ANO2: variants seen among roughly 807,000 people sequenced by gnomAD.
The protein encoded by ANO2 is anoctamin-2.
Under a neutral mutation model 124.2 loss-of-function variants are expected in ANO2, and 101 were observed. The ratio of observed to expected loss-of-function variants is 0.81; its 90% CI spans 0.69 to 0.96. The LOEUF is 0.96. Ranked by LOEUF, ANO2 falls within the 40% of genes least tolerant of loss-of-function variation. ANO2 has a pLI of 0.00. For synonymous variants in ANO2, 486 were observed against 482.5 expected, an observed-to-expected ratio of 1.01 and a Z score of -0.09; for missense variants, 1,293 against 1,274.5, an observed-to-expected ratio of 1.01 and a Z score of -0.22.
chr12:5,936,932 C>T (rs1411220375), intron 1 of ANO2, among the ~76,000 whole-genome samples: 1 of 152,182 alleles, frequency 6.6e-6, no homozygotes, highest in African/African-American at 2.4e-5. Flanking sequence ...GATGCAACAT[C>T]ATCAAAGCTC....
chr12:5,917,217 A>T (rs1015263470), intron 3 of ANO2, among the ~76,000 whole-genome samples: 1 of 152,170 alleles, frequency 6.6e-6, no homozygotes, highest in African/African-American at 2.4e-5. Flanking sequence ...ACCAGAATGA[A>T]GCATGGTGGG....
At chr12:5,712,476 G>A (rs1949854260) in intron 14 of ANO2, among the ~76,000 whole-genome samples, 1 of 152,236 alleles carries the variant, frequency 6.6e-6, no homozygotes, top group South Asian at 2.1e-4. Context: ...CACAATTTAA[G>A]AAATGCCTGG....
At chr12:5,804,806 T>C (rs1273176727) in intron 9 of ANO2, among the ~76,000 whole-genome samples, 1 of 152,160 alleles carries the variant, frequency 6.6e-6, no homozygotes, top group Non-Finnish European at 1.5e-5. Context: ...GGCTGACTGA[T>C]CTCTCCTATG....
At chr12:5,688,338 G>T (rs1565569531) in intron 14 of ANO2, among the ~76,000 whole-genome samples, 1 of 152,110 alleles carries the variant, frequency 6.6e-6, no homozygotes, top group Non-Finnish European at 1.5e-5. Context: ...TGCTACAAGA[G>T]GCCGAAGCAA....
intron 7 of ANO2, among the ~76,000 whole-genome samples, chr12:5,823,379 G>T (rs1953864913): frequency 6.6e-6 from 1 of 152,216 alleles, no homozygotes; most frequent in South Asian, 2.1e-4. Flanking sequence ...GGGGGTACAG[G>T]TATTTGGTAA....
chr12:5,838,492 T>C (rs1333888366), intron 4 of ANO2, among the ~76,000 whole-genome samples: 2 of 152,066 alleles, frequency 1.3e-5, no homozygotes, highest in African/African-American at 4.8e-5. Context: ...AAAACACACA[T>C]AGGTCTCCCC....
intron 10 of ANO2, among the ~76,000 whole-genome samples, chr12:5,795,434 G>C (rs913853791): frequency 6.6e-6 from 1 of 152,138 alleles, no homozygotes; most frequent in Non-Finnish European, 1.5e-5. Flanking sequence ...AGTGAGTAGG[G>C]ACCATTACCC....
At position 5,744,280 on chromosome 12, in the gene ANO2, ACATGGTGAAGGCATT is replaced by A; in HGVS notation, c.1213_1227del (p.Asn405_Met409del). 1 of 1,613,982 alleles carries A rather than the reference ACATGGTGAAGGCATT, an allele frequency of 6.2e-7. No homozygotes were observed. The highest frequency in any genetic ancestry group is 1.7e-5 in the Admixed American group (1 of 60,024). ...TCACAGGACTTGTCACACAGGGGAC[ACATGGTGAAGGCATT>A]CTGCTGGTCACACATCTCTCTGCTG... On this transcript the variant is annotated inframe_deletion, in exon 12 of 25. Coordinates refer to ENST00000682330, the MANE Select transcript of ANO2 (RefSeq NM_001364791.2).
At chr12:5,591,353 A>C (rs939954313) in intron 20 of ANO2, among the ~76,000 whole-genome samples, 3 of 152,184 alleles carry the variant, frequency 2.0e-5, no homozygotes, top group Admixed American at 2.0e-4. Flanking sequence ...GAGGAATTTC[A>C]TGGGCTTAAA....
At chr12:5,738,149 G>A (rs898779252) in intron 13 of ANO2, among the ~76,000 whole-genome samples, 13 of 152,214 alleles carry the variant, frequency 8.5e-5, no homozygotes, top group African/African-American at 1.9e-4. Context: ...GCTGCCCTGC[G>A]GGTCCTGCCA....
Position 5,902,070 on chromosome 12 carries a change from T to G in ANO2, c.534+18970A>C, listed in dbSNP as rs543354519. On this transcript the variant is annotated intron_variant, in intron 3 of 24. Transcript: ENST00000682330. ...ATTCTCTCTTCCTACAGTCAGTTTA[T>G]AGGCTAGATTACACTCAGAGATGTA... Among the ~76,000 whole-genome samples the G allele has an allele frequency of 9.1e-4, 139 of 152,288 alleles. 1 individual carries two copies. The highest frequency in any genetic ancestry group is 3.4e-3 in the Middle Eastern group (1 of 294).
rs553791949 is a variant in ANO2, at chr12:5,717,311, G to T, written c.1545+15209C>A. 1.5e-3 allele frequency among the ~76,000 whole-genome samples: 223 copies of T among 152,306 alleles called. 2 individuals are homozygous for T. The highest frequency in any genetic ancestry group is 0.01 in the Middle Eastern group (3 of 294). ...TCAGAGAAAATGGAATGCCCAAATT[G>T]ACCCAGAGGGTATGGAATTGCATAG... On this transcript the variant is annotated intron_variant, in intron 14 of 24. Coordinates refer to ENST00000682330, the MANE Select transcript of ANO2 (RefSeq NM_001364791.2).
rs1179800420 is a variant in ANO2, at chr12:5,675,069, T to C, written c.1546-27268A>G. ...GTTGTGTTCCCCAAACCTACAACAG[T>C]TCCTGACCCTCCATCAATACAAGCT... On this transcript the variant is annotated intron_variant, in intron 14 of 24. Coordinates refer to ENST00000682330, the MANE Select transcript of ANO2 (RefSeq NM_001364791.2). 3.3e-5 allele frequency among the ~76,000 whole-genome samples: 5 copies of C among 152,014 alleles called. 1 individual carries two copies. The South Asian group carries it at 1.0e-3, about 32-fold the overall frequency.
At chr12:5,684,868 G>T (rs943273794) in intron 14 of ANO2, among the ~76,000 whole-genome samples, 6 of 152,204 alleles carry the variant, frequency 3.9e-5, no homozygotes, top group Non-Finnish European at 7.3e-5. Flanking sequence ...GCTGGAGTCA[G>T]GGGTCCTGGG....
At position 5,830,424 on chromosome 12, in the gene ANO2, C is replaced by T. The variant is rs772378034; in HGVS notation, c.840+11G>A. The T allele has an allele frequency of 4.3e-6, 7 of 1,611,808 alleles. No individual in the cohort carries two copies. The highest frequency in any genetic ancestry group is 1.7e-5 in the Admixed American group (1 of 59,806). On this transcript the variant is annotated intron_variant, in intron 6 of 24. Coordinates refer to ENST00000682330, the MANE Select transcript of ANO2 (RefSeq NM_001364791.2). ...ATCCTCTTTCCTAACACAGTACATC[C>T]ATTTACTTACAATGCGGCTGCGGGT...
chr12:5,836,667 C>T (rs1459918186), intron 4 of ANO2: 2 of 153,832 alleles, frequency 1.3e-5, no homozygotes, highest in Admixed American at 1.3e-4. Flanking sequence ...CTGACTGCAC[C>T]CAGACACTGG....
intron 14 of ANO2, among the ~76,000 whole-genome samples, chr12:5,717,175 T>C (rs1427654390): frequency 6.6e-6 from 1 of 152,002 alleles, no homozygotes; most frequent in Non-Finnish European, 1.5e-5. Flanking sequence ...GCATGAAGAG[T>C]ATGTGGGAAC....
At chr12:5,700,046 A>G (rs1949340872) in intron 14 of ANO2, among the ~76,000 whole-genome samples, 1 of 152,180 alleles carries the variant, frequency 6.6e-6, no homozygotes, top group Non-Finnish European at 1.5e-5. Flanking sequence ...CAGAAAATTA[A>G]CAAGGATATC....
chr12:5,888,958 T>C (rs376171083), intron 3 of ANO2, among the ~76,000 whole-genome samples: 69 of 152,256 alleles, frequency 4.5e-4, no homozygotes, highest in African/African-American at 1.6e-3. Flanking sequence ...CTGTGCTCGT[T>C]GGGGAGGCTG....
Sources: allele counts gnomAD v4.1 joint callset (sites outside exome capture counted in the v4.1 genomes callset), GRCh38; gene constraint gnomAD v4.1.1; transcripts MANE v1.5; gene names NCBI Gene and HGNC (gene_info 2026-07-23, HGNC 2026-07-21).